Variants in IGHMBP2 observed in about 807,000 individuals in gnomAD.
The protein encoded by IGHMBP2 is immunoglobulin mu DNA binding protein 2.
In IGHMBP2, 81 loss-of-function variants were observed where a neutral mutation model predicts 96.0. That is an observed-to-expected ratio of 0.84 (90% CI 0.71 to 1.01). IGHMBP2 has a LOEUF of 1.01. IGHMBP2 is among the 50% of genes least tolerant of loss of function. The pLI is 0.00. For synonymous variants in IGHMBP2, 557 were observed against 548.9 expected, an observed-to-expected ratio of 1.01 and a Z score of -0.21; for missense variants, 1,227 against 1,306.3, an observed-to-expected ratio of 0.94 and a Z score of 0.94.
chr11:68,936,581 T>G lies in IGHMBP2; in HGVS notation c.2101T>G (p.Ser701Ala). 1 of 1,612,302 alleles carries G rather than the reference T, an allele frequency of 6.2e-7. No homozygotes were observed. The highest frequency in any genetic ancestry group is 8.5e-7 in the Non-Finnish European group (1 of 1,179,100). Residue 701 changes from serine to alanine, a missense_variant, in exon 13 of 15, where the codon TCT becomes GCT. By Grantham distance (99) the Ser-to-Ala change is moderately conservative. Around this residue, in one of 3 missense-constraint regions of IGHMBP2, gnomAD observed 703 missense variants for 770.3 expected, o/e 0.91. Coordinates refer to ENST00000255078, the MANE Select transcript of IGHMBP2 (RefSeq NM_002180.3). The part of the protein sequence containing the change: ...RQGRKKPAGK[S>A]LASEAPSQPS... ...GGGCCGGAAGAAGCCGGCTGGGAAG[T>G]CTCTGGCCTCTGAAGCTCCATCTCA...
intron 7 of IGHMBP2, among the ~76,000 whole-genome samples, chr11:68,928,802 T>A (rs571016462): frequency 6.6e-6 from 1 of 151,146 alleles, no homozygotes; most frequent in East Asian, 1.9e-4. Context: ...TGCCCAGCAG[T>A]TGATTGTTCT....
Position 68,908,302 on chromosome 11 carries a change from A to G in IGHMBP2, c.414A>G (p.Lys138=). Reference sequence around the variant, plus strand: ...GAGAGAATTCCTACAGACTGTTAAAACTTGCCAATGATGTCACTTACAGGC... The same window carrying G: ...GAGAGAATTCCTACAGACTGTTAAAGCTTGCCAATGATGTCACTTACAGGC... The part of the protein sequence containing the change: ...LDRENSYRLL[K]LANDVTYRRL... The change falls in exon 3 of 15, where the codon AAA becomes AAG. Residue 138 remains lysine, a synonymous_variant. Transcript: ENST00000255078. The G allele has an allele frequency of 6.2e-7, 1 of 1,614,070 alleles. No homozygotes were observed. Among genetic ancestry groups the G allele is most frequent in the South Asian group, 1.1e-5 (1 of 91,086 alleles).
chr11:68,921,318 C>T (rs1404785207), intron 7 of IGHMBP2, among the ~76,000 whole-genome samples: 1 of 152,022 alleles, frequency 6.6e-6, no homozygotes, highest in African/African-American at 2.4e-5. Flanking sequence ...AGGCTGGTCT[C>T]GAACTCCTGG....
Position 68,923,769 on chromosome 11 carries a change from A to G in IGHMBP2, c.1061-5414A>G, listed in dbSNP as rs117231003. ...CTTTTCTCTCATTGTTTTGGATGGT[A>G]TTTTTCCCAGGCCTGGAGTAGTTTT... On this transcript the variant is annotated intron_variant, in intron 7 of 14. Coordinates refer to ENST00000255078, the MANE Select transcript of IGHMBP2 (RefSeq NM_002180.3). 9.4e-3 allele frequency among the ~76,000 whole-genome samples: 1,422 copies of G among 151,822 alleles called. 15 individuals are homozygous for G. The highest frequency in any genetic ancestry group is 0.012 in the Non-Finnish European group (811 of 67,970).
At chr11:68,910,699 C>T (rs545585254) in intron 4 of IGHMBP2, among the ~76,000 whole-genome samples, 5 of 152,166 alleles carry the variant, frequency 3.3e-5, no homozygotes, top group East Asian at 1.9e-4. Flanking sequence ...CTGGCCAACA[C>T]GGTGAATCCC....
At chr11:68,938,746 G>A (rs920008252) in intron 14 of IGHMBP2, among the ~76,000 whole-genome samples, 13 of 152,104 alleles carry the variant, frequency 8.5e-5, no homozygotes, top group African/African-American at 3.1e-4. Context: ...CGGGGTTGAT[G>A]AGAACCCCCT....
At chr11:68,920,953 A>T (rs942044275) in intron 7 of IGHMBP2, among the ~76,000 whole-genome samples, 1 of 152,012 alleles carries the variant, frequency 6.6e-6, no homozygotes, top group African/African-American at 2.4e-5. Context: ...GGCTAATTTT[A>T]AAAATGTTCT....
intron 5 of IGHMBP2, among the ~76,000 whole-genome samples, chr11:68,913,187 C>T (rs759065493): frequency 5.9e-5 from 9 of 151,976 alleles, no homozygotes; most frequent in Non-Finnish European, 1.2e-4. Context: ...TAAAAGATTA[C>T]GTCCAGCGGT....
chr11:68,935,231 C>A, intron 11 of IGHMBP2, 68 bp from the exon 12 acceptor site: 1 of 1,597,900 alleles, frequency 6.3e-7, no homozygotes, highest in South Asian at 1.1e-5. Context: ...CTCTGCTGAG[C>A]TGAAGGGCAG....
In IGHMBP2 at chr11:68,903,931, G is replaced by C. The variant is rs761839532; in HGVS notation, c.-22G>C. ...CGCAGAAGCGGGACGTCGGCTTCTA[G>C]GGGCCCAGGCCGGCGGCGGCGATGG... is the stretch of plus-strand genomic sequence containing the variant. On this transcript the variant is annotated 5_prime_UTR_variant, in exon 1 of 15. Transcript: ENST00000255078. The C allele has an allele frequency of 1.3e-6, 2 of 1,592,972 alleles. No homozygotes were observed. Among genetic ancestry groups the C allele is most frequent in the Non-Finnish European group, 1.7e-6 (2 of 1,169,898 alleles).
At chr11:68,908,937 T>C (rs1263509270) in intron 4 of IGHMBP2, among the ~76,000 whole-genome samples, 24 of 133,626 alleles carry the variant, frequency 1.8e-4, no homozygotes, top group East Asian at 4.8e-4. Context: ...GCCTCCCGGG[T>C]TCAAGTGATT....
At chr11:68,905,623 T>C (rs7129513) in intron 1 of IGHMBP2, among the ~76,000 whole-genome samples, 5,322 of 152,250 alleles carry the variant, frequency 0.035, 313 homozygotes, top group African/African-American at 0.12. Context: ...GCGAATAGCT[T>C]TGCATTTTAG....
At chr11:68,905,784 A>C (rs911811984) in intron 1 of IGHMBP2, among the ~76,000 whole-genome samples, 16 of 152,058 alleles carry the variant, frequency 1.1e-4, no homozygotes, top group Admixed American at 9.8e-4. Flanking sequence ...TCCAGGTAGA[A>C]ATGGGAGGGG....
chr11:68,913,998 A>T (rs1858547956), intron 5 of IGHMBP2, among the ~76,000 whole-genome samples: 1 of 152,186 alleles, frequency 6.6e-6, no homozygotes, highest in Non-Finnish European at 1.5e-5. Flanking sequence ...CATCTCCCTG[A>T]CTAAAACTAG....
intron 1 of IGHMBP2, 49 bp downstream of exon 1, chr11:68,904,087 C>G: frequency 6.9e-7 from 1 of 1,457,496 alleles, no homozygotes; most frequent in East Asian, 2.5e-5. Context: ...CCCGCCGTGT[C>G]CCGGGCAGAG....
At chr11:68,908,478 C>T in intron 3 of IGHMBP2, 56 bp from the exon 4 acceptor site, 5 of 1,494,580 alleles carry the variant, frequency 3.3e-6, no homozygotes, top group Non-Finnish European at 3.7e-6. Flanking sequence ...AGCATTGGGG[C>T]AGAGGCTCGG....
Position 68,904,021 on chromosome 11 carries a change from G to C in IGHMBP2, c.69G>C (p.Ala23=). 1 of 1,549,744 alleles carries C rather than the reference G, an allele frequency of 6.5e-7. No homozygotes were observed. Among genetic ancestry groups the C allele is most frequent in the Non-Finnish European group, 8.7e-7 (1 of 1,146,456 alleles). Residue 23 remains alanine (A), a synonymous_variant, in exon 1 of 15, where the codon GCG becomes GCC. Transcript: ENST00000255078. The part of the protein sequence containing the change: ...QLDLLELERD[A]EVEERRSWQE... ...ACCTGCTGGAGCTTGAGAGAGACGC[G>C]GAGGTGGAGGAGCGCAGGTACGGGA...
chr11:68,911,794 G>T (rs570183639), intron 5 of IGHMBP2, among the ~76,000 whole-genome samples, 191 bp downstream of exon 5: 2 of 152,264 alleles, frequency 1.3e-5, no homozygotes, highest in African/African-American at 4.8e-5. Context: ...GGGAGCACGC[G>T]CAGGAGCCGT....
intron 7 of IGHMBP2, among the ~76,000 whole-genome samples, chr11:68,918,480 A>G (rs1411067571): frequency 1.3e-5 from 2 of 151,938 alleles, no homozygotes; most frequent in African/African-American, 2.4e-5. Flanking sequence ...CATCTCTACT[A>G]AAAATACAAA....
Sources: gnomAD v4.1 joint callset for allele counts (sites outside exome capture counted in the v4.1 genomes callset) on GRCh38, gnomAD v4.1.1 for gene constraint, gnomAD v4.1.1 regional missense constraint, MANE v1.5 for transcripts, NCBI Gene and HGNC (gene_info 2026-07-23, HGNC 2026-07-21) for gene names.